Variants in PARVA observed in about 807,000 individuals in gnomAD.
The protein encoded by PARVA is alpha-parvin.
Under a neutral mutation model 52.6 loss-of-function variants are expected in PARVA, and 25 were observed. The observed-to-expected ratio is 0.48, with a 90% CI of 0.35 to 0.66. The LOEUF (loss-of-function observed/expected upper bound fraction) is 0.66, where lower values mean the gene tolerates loss of function less well. PARVA is among the 30% of genes least tolerant of loss of function. PARVA has a pLI of 0.01. For missense variants in PARVA, 373 were observed against 450.9 expected (o/e 0.83, Z 1.56); for synonymous variants, 185 against 179.1 (o/e 1.03, Z -0.26).
chr11:12,449,446 A>G (rs538637552), intron 1 of PARVA, among the ~76,000 whole-genome samples: 132 of 152,292 alleles, frequency 8.7e-4, no homozygotes, highest in African/African-American at 3.0e-3. Context: ...TGTGTGAGCC[A>G]CAGCACCTGG....
Position 12,531,735 on chromosome 11 carries a change from G to T in PARVA, c.*3810G>T, listed in dbSNP as rs542130283. ...TGAAATCTTCACTAATTCCAAGATT[G>T]CGTGTCATTTCCCCCAAAAATTTGC... On this transcript the variant is annotated 3_prime_UTR_variant, in exon 13 of 13. Coordinates refer to ENST00000334956, the MANE Select transcript of PARVA (RefSeq NM_018222.5). 3.6e-4 allele frequency among the ~76,000 whole-genome samples: 55 copies of T among 151,370 alleles called. No individual in the cohort carries two copies. The highest frequency in any genetic ancestry group is 6.2e-4 in the Non-Finnish European group (42 of 67,942).
intron 6 of PARVA, among the ~76,000 whole-genome samples, chr11:12,508,119 A>AAC (rs1941457859): frequency 8.0e-6 from 1 of 125,002 alleles, no homozygotes; most frequent in Non-Finnish European, 1.7e-5. Context: ...AAAAAAAAAA[A>AAC]AAACCAAAAA....
At chr11:12,523,053 A>C (rs1941658012) in intron 12 of PARVA, among the ~76,000 whole-genome samples, 1 of 152,144 alleles carries the variant, frequency 6.6e-6, no homozygotes, top group South Asian at 2.1e-4. Context: ...AATATTTAAA[A>C]CAGTACATAT....
At chr11:12,509,388 C>T (rs1941476876) in intron 7 of PARVA, among the ~76,000 whole-genome samples, 1 of 152,178 alleles carries the variant, frequency 6.6e-6, no homozygotes, top group Non-Finnish European at 1.5e-5. Context: ...AGGTGAGTCC[C>T]TTAACCTCTC....
chr11:12,438,610 GCATT>G (rs1374669486), intron 1 of PARVA, among the ~76,000 whole-genome samples: 7 of 152,068 alleles, frequency 4.6e-5, no homozygotes, highest in Non-Finnish European at 8.8e-5. Flanking sequence ...TTCAAACATA[GCATT>G]CATTAATTTA....
At chr11:12,400,652 A>G (rs1311724684) in intron 1 of PARVA, among the ~76,000 whole-genome samples, 1 of 152,212 alleles carries the variant, frequency 6.6e-6, no homozygotes, top group Non-Finnish European at 1.5e-5. Flanking sequence ...CAGCCTTATT[A>G]AAAATTTTTC....
intron 1 of PARVA, among the ~76,000 whole-genome samples, chr11:12,382,167 G>A (rs1034211265): frequency 2.0e-5 from 3 of 152,212 alleles, no homozygotes; most frequent in African/African-American, 4.8e-5. Context: ...ATGTACTACA[G>A]TTCATTTCGT....
At chr11:12,432,680 C>T (rs767303221) in intron 1 of PARVA, among the ~76,000 whole-genome samples, 4 of 152,286 alleles carry the variant, frequency 2.6e-5, no homozygotes, top group Middle Eastern at 3.4e-3. Context: ...CAAAGAACCA[C>T]GTTCTGTCAT....
At chr11:12,505,519 G>T (rs556741803) in intron 6 of PARVA, among the ~76,000 whole-genome samples, 1 of 152,308 alleles carries the variant, frequency 6.6e-6, no homozygotes, top group Non-Finnish European at 1.5e-5. Flanking sequence ...TAAGCATTAA[G>T]AAGGTATAAC....
At chr11:12,418,484 C>T (rs563908618) in intron 1 of PARVA, among the ~76,000 whole-genome samples, 7 of 152,228 alleles carry the variant, frequency 4.6e-5, no homozygotes, top group South Asian at 2.1e-4. Context: ...GGGAGGAGGA[C>T]GAAGACAGTT....
chr11:12,486,007 G>C (rs1170746093), intron 4 of PARVA, among the ~76,000 whole-genome samples: 1 of 152,132 alleles, frequency 6.6e-6, no homozygotes, highest in Non-Finnish European at 1.5e-5. Flanking sequence ...TGGTATCCTA[G>C]ACCGTTTCCT....
chr11:12,528,289 G>T lies in PARVA; in HGVS notation c.*364G>T, dbSNP rs1248525895. ...TCAAAGGATGCTAACTGTGTGTCAGGCCCCACACTAAGTGCTCTGCTCTGA... is the reference window on the plus strand; with the variant it reads ...TCAAAGGATGCTAACTGTGTGTCAGTCCCCACACTAAGTGCTCTGCTCTGA... On this transcript the variant is annotated 3_prime_UTR_variant, in exon 13 of 13. Coordinates refer to ENST00000334956, the MANE Select transcript of PARVA (RefSeq NM_018222.5). 1.4e-5 allele frequency: 4 copies of T among 280,022 alleles called. No individual in the cohort carries two copies. The Admixed American group carries it at 1.8e-4, about 12-fold the overall frequency. 17.3% of individuals were successfully genotyped at this position (280,022 alleles called of 1,614,324 possible).
At chr11:12,504,220 T>C (rs977634433) in intron 5 of PARVA, 94 bp from the exon 6 acceptor site, 3 of 695,796 alleles carry the variant, frequency 4.3e-6, no homozygotes, top group Non-Finnish European at 7.7e-6. Flanking sequence ...ATCCAAACTC[T>C]ATCAGTGGGG....
chr11:12,475,668 G>C (rs950940381), intron 3 of PARVA, among the ~76,000 whole-genome samples: 2 of 152,168 alleles, frequency 1.3e-5, no homozygotes, highest in Non-Finnish European at 2.9e-5. Flanking sequence ...TCATCTCAGA[G>C]GAGATGTGTA....
chr11:12,389,396 TC>T (rs1021189775), intron 1 of PARVA, among the ~76,000 whole-genome samples: 2 of 152,118 alleles, frequency 1.3e-5, no homozygotes, highest in African/African-American at 4.8e-5. Flanking sequence ...CCCTCGCCAC[TC>T]CTGTGTGAGA....
At chr11:12,472,027 AG>A (rs1169255988) in intron 1 of PARVA, among the ~76,000 whole-genome samples, 1 of 152,212 alleles carries the variant, frequency 6.6e-6, no homozygotes, top group Non-Finnish European at 1.5e-5. Context: ...TGGTAGTTCT[AG>A]GGGAGATATT....
intron 6 of PARVA, among the ~76,000 whole-genome samples, chr11:12,504,777 G>GTGTGTGTGTC (rs1941414108): frequency 6.6e-6 from 1 of 151,008 alleles, no homozygotes; most frequent in Non-Finnish European, 1.5e-5. Context: ...GTATGTGGGT[G>GTGTGTGTGTC]TGTGTGTGTG....
intron 11 of PARVA, among the ~76,000 whole-genome samples, chr11:12,518,161 G>T (rs565610304): frequency 1.3e-5 from 2 of 152,314 alleles, no homozygotes; most frequent in Admixed American, 1.3e-4. Context: ...TTCCAGACGT[G>T]TGCACTGACA....
intron 10 of PARVA, 96 bp from the exon 11 acceptor site, chr11:12,517,514 G>A: frequency 1.1e-6 from 1 of 891,622 alleles, no homozygotes; most frequent in Non-Finnish European, 1.8e-6. Context: ...GGGGTGGTAG[G>A]CTTCAGGTGG....
Sources: gnomAD v4.1 joint callset for allele counts (sites outside exome capture counted in the v4.1 genomes callset) on GRCh38, gnomAD v4.1.1 for gene constraint, MANE v1.5 for transcripts, NCBI Gene and HGNC (gene_info 2026-07-23, HGNC 2026-07-21) for gene names.